The following KIAA0586 variants were observed in gnomAD, a reference collection of about 807,000 sequenced individuals.
KIAA0586 encodes KIAA0586, also known as protein TALPID3.
A neutral mutation model predicts 169.8 loss-of-function variants in KIAA0586; 144 were observed. The observed-to-expected ratio is 0.85, with a 90% CI of 0.74 to 0.97. The LOEUF (loss-of-function observed/expected upper bound fraction) is 0.97, where lower values mean the gene tolerates loss of function less well. Ranked by LOEUF, KIAA0586 falls within the 50% of genes least tolerant of loss-of-function variation. The pLI is 0.00. For synonymous variants in KIAA0586, 625 were observed against 612.4 expected (o/e 1.02, Z -0.30); for missense variants, 1,854 against 1,823.0 (o/e 1.02, Z -0.31).
Position 58,453,417 on chromosome 14 carries a change from A to G in KIAA0586, c.1197A>G (p.Ser399=). Residue 399 remains serine, a synonymous_variant, in exon 9 of 31, where the codon TCA becomes TCG. Coordinates refer to ENST00000652326, the MANE Select transcript of KIAA0586 (RefSeq NM_001329943.3). Reference sequence around the variant, plus strand: ...CTTTGACAAGAAAAAGTGAATCATCAAACACCACCTCACTAACTAGGTCAA... The same window carrying G: ...CTTTGACAAGAAAAAGTGAATCATCGAACACCACCTCACTAACTAGGTCAA... ...NDSLTRKSES[S]NTTSLTRSKI... 4 of 1,513,808 alleles carry G rather than the reference A, an allele frequency of 2.6e-6. No homozygotes were observed. The highest frequency in any genetic ancestry group is 3.6e-6 in the Non-Finnish European group (4 of 1,121,794). 93.8% of individuals were successfully genotyped at this position (1,513,808 alleles called of 1,614,324 possible).
rs1019969850 is a variant in KIAA0586, at chr14:58,430,794, G to A, written c.340+77G>A. 2.6e-5 allele frequency: 20 copies of A among 768,690 alleles called. No homozygotes were observed. In the East Asian group the frequency reaches 4.6e-4, roughly 18 times the overall value. The allele number at this position is 768,690 out of a possible 1,614,324, so 47.6% of individuals were successfully genotyped here. ...AAAGTTTACTACTTTAAAATGTACA[G>A]TTCTGTGACAGTAAGTACATTCACA... On this transcript the variant is annotated intron_variant, in intron 3 of 30. Coordinates refer to ENST00000652326, the MANE Select transcript of KIAA0586 (RefSeq NM_001329943.3).
intron 29 of KIAA0586, among the ~76,000 whole-genome samples, chr14:58,518,516 G>C (rs1321126941): frequency 6.6e-6 from 1 of 152,104 alleles, no homozygotes; most frequent in Non-Finnish European, 1.5e-5. Context: ...TTCAGAAAGG[G>C]AAGAACTGTC....
At chr14:58,440,467 T>G (rs1252791875) in intron 4 of KIAA0586, among the ~76,000 whole-genome samples, 1 of 152,064 alleles carries the variant, frequency 6.6e-6, no homozygotes, top group Non-Finnish European at 1.5e-5. Flanking sequence ...GAGTAGCTGG[T>G]ATTACAGGCT....
At chr14:58,440,033 C>CT (rs1476757625) in intron 4 of KIAA0586, 4 of 216,438 alleles carry the variant, frequency 1.8e-5, no homozygotes, top group Non-Finnish European at 2.8e-5. Context: ...ATTTCAGGGT[C>CT]TTTTTTTAAT....
intron 6 of KIAA0586, among the ~76,000 whole-genome samples, chr14:58,446,610 TCAG>T (rs1335233497): frequency 6.6e-6 from 1 of 152,108 alleles, no homozygotes; most frequent in Non-Finnish European, 1.5e-5. Flanking sequence ...AGACAAAAAT[TCAG>T]AAGAATGTAC....
intron 17 of KIAA0586, 86 bp downstream of exon 17, chr14:58,470,809 T>C: frequency 1.5e-6 from 1 of 651,230 alleles, no homozygotes; most frequent in Non-Finnish European, 2.7e-6. Context: ...CCTTTTATCA[T>C]AATGATAACT....
intron 29 of KIAA0586, among the ~76,000 whole-genome samples, chr14:58,514,191 C>T (rs1277754447): frequency 6.6e-6 from 1 of 152,002 alleles, no homozygotes; most frequent in African/African-American, 2.4e-5. Flanking sequence ...CTTTTTTCCC[C>T]ATAGATTTTG....
upstream of KIAA0586, chr14:58,427,523 T>C (rs1285895545): frequency 2.1e-5 from 31 of 1,470,416 alleles, no homozygotes; most frequent in Non-Finnish European, 2.8e-5. Context: ...TGCGGCAATG[T>C]GCTACCTTAA....
chr14:58,444,193 A>G lies in KIAA0586; in HGVS notation c.807+18A>G, dbSNP rs760040685. On this transcript the variant is annotated intron_variant, in intron 6 of 30. Coordinates refer to ENST00000652326, the MANE Select transcript of KIAA0586 (RefSeq NM_001329943.3). ...ATATTCAGGTATCTGTAATAAATCCAGTACAGATTCCATAATCTTTTATCA... is the reference window on the plus strand; with the variant it reads ...ATATTCAGGTATCTGTAATAAATCCGGTACAGATTCCATAATCTTTTATCA... The G allele has an allele frequency of 2.0e-6, 3 of 1,480,004 alleles. No homozygotes were observed. Among genetic ancestry groups the G allele is most frequent in the East Asian group, 2.3e-5 (1 of 44,136 alleles). The allele number at this position is 1,480,004 out of a possible 1,614,324, so 91.7% of individuals were successfully genotyped here. A position where few individuals can be genotyped will look rare whatever the true frequency, so the allele number is the denominator to read the frequency against.
At position 58,548,074 on chromosome 14, in the gene KIAA0586, C is replaced by G; in HGVS notation, c.*142C>G. On this transcript the variant is annotated 3_prime_UTR_variant, in exon 31 of 31. Coordinates refer to ENST00000652326, the MANE Select transcript of KIAA0586 (RefSeq NM_001329943.3). ...CAATATTTTAAAATAAAACAAAAAGCATAATTTGGGTATTTAAAGTTTTTA... is the reference window on the plus strand; with the variant it reads ...CAATATTTTAAAATAAAACAAAAAGGATAATTTGGGTATTTAAAGTTTTTA... 1.0e-6 allele frequency: 1 copy of G among 992,328 alleles called. No individual in the cohort carries two copies. The allele number at this position is 992,328 out of a possible 1,614,324, so 61.5% of individuals were successfully genotyped here. A position where few individuals can be genotyped will look rare whatever the true frequency, so the allele number is the denominator to read the frequency against.
intron 27 of KIAA0586, among the ~76,000 whole-genome samples, chr14:58,504,036 A>G (rs2043765236): frequency 1.3e-5 from 2 of 152,158 alleles, no homozygotes. Context: ...TTCAGCCTTA[A>G]GTTTCTGTCA....
chr14:58,427,464 A>G, upstream of KIAA0586: 1 of 825,900 alleles, frequency 1.2e-6, no homozygotes, highest in South Asian at 1.7e-5. Context: ...AAGTAGTATT[A>G]CAAGTCGGGA....
intron 20 of KIAA0586, among the ~76,000 whole-genome samples, chr14:58,479,139 C>G (rs1441059676): frequency 2.0e-5 from 3 of 152,282 alleles, no homozygotes; most frequent in Admixed American, 1.3e-4. Flanking sequence ...GCATTCCACC[C>G]AGCAGTGTAT....
chr14:58,508,425 TG>T (rs1214762295), intron 27 of KIAA0586, 129 bp from the exon 28 acceptor site: 5 of 686,370 alleles, frequency 7.3e-6, no homozygotes, highest in Non-Finnish European at 1.2e-5. Flanking sequence ...CAGGTGTTTT[TG>T]TTTGAAGTAC....
At chr14:58,492,632 C>T (rs2042907928) in intron 26 of KIAA0586, among the ~76,000 whole-genome samples, 1 of 152,166 alleles carries the variant, frequency 6.6e-6, no homozygotes, top group Non-Finnish European at 1.5e-5. Flanking sequence ...AAGATAAGGG[C>T]TTACACAAGT....
intron 20 of KIAA0586, among the ~76,000 whole-genome samples, chr14:58,479,571 ATGC>A (rs1240281491): frequency 1.3e-5 from 2 of 152,142 alleles, no homozygotes; most frequent in Non-Finnish European, 2.9e-5. Flanking sequence ...GGATTTTTGC[ATGC>A]TGCTTTTAAA....
In KIAA0586 at chr14:58,460,026, A is replaced by G. The variant is rs936523520; in HGVS notation, c.1840A>G (p.Met614Val). 2 of 1,533,470 alleles carry G rather than the reference A, an allele frequency of 1.3e-6. No individual in the cohort carries two copies. The highest frequency in any genetic ancestry group is 1.2e-5 in the South Asian group (1 of 83,834). 95.0% of individuals were successfully genotyped at this position (1,533,470 alleles called of 1,614,324 possible). ...AGAAGAGCATTTTAGAAATCTACCT[A>G]TGAGGGGCATGCCTGCTTCAAGTTT... Reference protein sequence around the residue: ...QIEEHFRNLPMRGMPASSLQK... With the variant: ...QIEEHFRNLPVRGMPASSLQK... The change falls in exon 13 of 31, where the codon ATG becomes GTG. Residue 614 changes from methionine to valine, a missense_variant. Transcript: ENST00000652326.
At chr14:58,526,541 C>T (rs184669837) in intron 29 of KIAA0586, among the ~76,000 whole-genome samples, 222 of 152,270 alleles carry the variant, frequency 1.5e-3, no homozygotes, top group African/African-American at 5.2e-3. Context: ...CACGCAGAAA[C>T]CCCATCTGAA....
chr14:58,487,725 C>T (rs1813575080), intron 22 of KIAA0586, among the ~76,000 whole-genome samples, 162 bp from the exon 23 acceptor site: 1 of 152,164 alleles, frequency 6.6e-6, no homozygotes, highest in South Asian at 2.1e-4. Flanking sequence ...TAGGAATTAT[C>T]ACATTAATGG....
Sources: allele counts gnomAD v4.1 joint callset (sites outside exome capture counted in the v4.1 genomes callset), GRCh38; gene constraint gnomAD v4.1.1; transcripts MANE v1.5; gene names NCBI Gene and HGNC (gene_info 2026-07-23, HGNC 2026-07-21).